Variants in BICC1 observed in about 807,000 individuals in gnomAD.
BICC1 encodes protein bicaudal C homolog 1.
BICC1 carries 43 observed loss-of-function variants against 111.0 expected under a neutral mutation model. The observed-to-expected ratio is 0.39, with a 90% CI of 0.30 to 0.50. The LOEUF (loss-of-function observed/expected upper bound fraction) is 0.50, where lower values mean the gene tolerates loss of function less well. Ranked by LOEUF, BICC1 falls within the 20% of genes least tolerant of loss-of-function variation. The pLI is 0.88. For missense variants in BICC1, 1,091 were observed against 1,203.2 expected (o/e 0.91, Z 1.38); for synonymous variants, 467 against 434.4 (o/e 1.07, Z -0.93).
At position 58,702,093 on chromosome 10, in the gene BICC1, C is replaced by T; in HGVS notation, c.257C>T (p.Thr86Met). Residue 86 changes from threonine (T) to methionine (M), a missense_variant, in exon 3 of 21, where the codon ACG becomes ATG. By Grantham distance (81) the Thr-to-Met change is moderately conservative. Coordinates refer to ENST00000373886, the MANE Select transcript of BICC1 (RefSeq NM_001080512.3). ...TTACAGATCATGGAGGAAACAAATA[C>T]GCAGATTGCTTGGCCATCAAAACTG... ...FFQKIMEETN[T>M]QIAWPSKLKI... 2 of 1,612,940 alleles carry T rather than the reference C, an allele frequency of 1.2e-6. No homozygotes were observed. The highest frequency in any genetic ancestry group is 1.7e-6 in the Non-Finnish European group (2 of 1,179,410).
At chr10:58,586,470 T>C (rs2132026526) in intron 1 of BICC1, among the ~76,000 whole-genome samples, 1 of 150,762 alleles carries the variant, frequency 6.6e-6, no homozygotes, top group East Asian at 2.0e-4. Flanking sequence ...TCATGCAGAG[T>C]ACTTCCTGTA....
At chr10:58,731,201 G>GGCAA (rs1197205657) in intron 3 of BICC1, among the ~76,000 whole-genome samples, 1 of 152,122 alleles carries the variant, frequency 6.6e-6, no homozygotes, top group African/African-American at 2.4e-5. Context: ...AGAACAACCA[G>GGCAA]GCAAGCTTTT....
intron 2 of BICC1, among the ~76,000 whole-genome samples, chr10:58,626,594 T>G (rs994397614): frequency 6.6e-6 from 1 of 152,090 alleles, no homozygotes; most frequent in African/African-American, 2.4e-5. Flanking sequence ...TCTTTCAAGT[T>G]TTGTTCTTGT....
At chr10:58,686,377 C>T (rs1269064131) in intron 2 of BICC1, among the ~76,000 whole-genome samples, 1 of 152,094 alleles carries the variant, frequency 6.6e-6, no homozygotes, top group East Asian at 1.9e-4. Flanking sequence ...ATCTTTGTGG[C>T]ATTCTCTGTA....
chr10:58,806,536 G>A lies in BICC1; in HGVS notation c.2182-48G>A, dbSNP rs774413809. 3 of 1,550,124 alleles carry A rather than the reference G, an allele frequency of 1.9e-6. No homozygotes were observed. In the African/African-American group the frequency reaches 4.1e-5, roughly 21 times the overall value. On this transcript the variant is annotated intron_variant, in intron 15 of 20. Transcript: ENST00000373886. ...TTCTCTAACCATGGAGTGTTGGCATGACATTTGGAGAGACTGTCAATAAAG... is the reference window on the plus strand; with the variant it reads ...TTCTCTAACCATGGAGTGTTGGCATAACATTTGGAGAGACTGTCAATAAAG...
chr10:58,748,974 T>C (rs968166066), intron 3 of BICC1, among the ~76,000 whole-genome samples: 3 of 152,158 alleles, frequency 2.0e-5, no homozygotes, highest in African/African-American at 4.8e-5. Flanking sequence ...CCTAGGAAGA[T>C]TCCACTAAAT....
At chr10:58,733,749 C>A (rs117120153) in intron 3 of BICC1, among the ~76,000 whole-genome samples, 1 of 152,234 alleles carries the variant, frequency 6.6e-6, no homozygotes, top group Non-Finnish European at 1.5e-5. Flanking sequence ...GGCCTAGCAT[C>A]ATAAATGCAT....
chr10:58,678,916 C>T lies in BICC1; in HGVS notation c.238-23158C>T, dbSNP rs1414170279. On this transcript the variant is annotated intron_variant, in intron 2 of 20. Coordinates refer to ENST00000373886, the MANE Select transcript of BICC1 (RefSeq NM_001080512.3). ...ACTGCACAAATACATGGAAACTGAA[C>T]AACCTGTTCCTGAATGACTACTGGG... Among the ~76,000 whole-genome samples the T allele has an allele frequency of 2.6e-5, 4 of 152,186 alleles. No homozygotes were observed. The East Asian group carries it at 7.7e-4, about 29-fold the overall frequency.
intron 2 of BICC1, among the ~76,000 whole-genome samples, chr10:58,670,838 A>C (rs959861218): frequency 6.6e-6 from 1 of 152,162 alleles, no homozygotes; most frequent in Non-Finnish European, 1.5e-5. Flanking sequence ...GGTTTCATAC[A>C]ATGTAACCAT....
At chr10:58,717,983 T>C (rs1320748375) in intron 3 of BICC1, among the ~76,000 whole-genome samples, 2 of 152,242 alleles carry the variant, frequency 1.3e-5, no homozygotes, top group Non-Finnish European at 1.5e-5. Context: ...TGTTGTCATA[T>C]GCACTTTCTT....
chr10:58,729,889 T>C (rs953865681), intron 3 of BICC1, among the ~76,000 whole-genome samples: 5 of 152,174 alleles, frequency 3.3e-5, no homozygotes, highest in African/African-American at 7.2e-5. Context: ...ACCTCCAACA[T>C]TGGAGATTAC....
intron 13 of BICC1, 25 bp downstream of exon 13, chr10:58,800,351 T>A (rs767918842): frequency 9.5e-5 from 153 of 1,604,824 alleles, no homozygotes; most frequent in Non-Finnish European, 1.2e-4. Flanking sequence ...CCTTCTGAAA[T>A]TCATTTTGGT....
chr10:58,712,413 A>T (rs916908491), intron 3 of BICC1, among the ~76,000 whole-genome samples: 1 of 152,236 alleles, frequency 6.6e-6, no homozygotes, highest in Non-Finnish European at 1.5e-5. Flanking sequence ...ACAGAAGCTT[A>T]TAGCAGCTTT....
chr10:58,615,513 A>G (rs969663079), intron 1 of BICC1, among the ~76,000 whole-genome samples: 1 of 152,158 alleles, frequency 6.6e-6, no homozygotes, highest in Non-Finnish European at 1.5e-5. Flanking sequence ...AAAAGGTATA[A>G]TTACCCTGCT....
intron 1 of BICC1, among the ~76,000 whole-genome samples, chr10:58,615,059 C>G (rs2132118547): frequency 6.6e-6 from 1 of 151,964 alleles, no homozygotes; most frequent in African/African-American, 2.4e-5. Context: ...ACAAAGACAG[C>G]CAAGAATTGG....
rs1457000446 is a variant in BICC1, at chr10:58,713,854, ATCTT to A, written c.307+11718_307+11721del. On this transcript the variant is annotated intron_variant, in intron 3 of 20. Coordinates refer to ENST00000373886, the MANE Select transcript of BICC1 (RefSeq NM_001080512.3). Reference sequence around the variant, plus strand: ...TTTTATTATTCTTGTTCTTCATGGTATCTTTCTTTCCTTTTCTCCTTTTTTGAGA... The same window carrying A: ...TTTTATTATTCTTGTTCTTCATGGTATCTTTCCTTTTCTCCTTTTTTGAGA... Among the ~76,000 whole-genome samples the A allele has an allele frequency of 2.0e-5, 3 of 152,288 alleles. No individual in the cohort carries two copies. The South Asian group carries it at 6.2e-4, about 32-fold the overall frequency.
intron 1 of BICC1, among the ~76,000 whole-genome samples, chr10:58,530,918 G>A (rs996072792): frequency 1.8e-4 from 27 of 151,784 alleles, no homozygotes; most frequent in African/African-American, 6.3e-4. Context: ...GTCCAATAAA[G>A]CCTTTATGAG....
chr10:58,828,538 C>T (rs1844464172), intron 20 of BICC1, among the ~76,000 whole-genome samples: 1 of 152,174 alleles, frequency 6.6e-6, no homozygotes, highest in Non-Finnish European at 1.5e-5. Flanking sequence ...AAACTATTTG[C>T]TGTCCTTTGT....
intron 1 of BICC1, among the ~76,000 whole-genome samples, chr10:58,516,336 G>T (rs961756408): frequency 6.6e-6 from 1 of 152,066 alleles, no homozygotes; most frequent in Non-Finnish European, 1.5e-5. Context: ...ATTCTTCTAC[G>T]CAATGGACCA....
Sources: allele counts gnomAD v4.1 joint callset (sites outside exome capture counted in the v4.1 genomes callset), GRCh38; gene constraint gnomAD v4.1.1; transcripts MANE v1.5; gene names NCBI Gene and HGNC (gene_info 2026-07-23, HGNC 2026-07-21).